Variants in KIF26B observed in about 807,000 individuals in gnomAD.
KIF26B encodes the protein kinesin family member 26B, also known as kinesin-like protein KIF26B.
KIF26B carries 63 observed loss-of-function variants against 151.2 expected under a neutral mutation model. That is an observed-to-expected ratio of 0.42 (90% CI 0.34 to 0.51). The LOEUF (loss-of-function observed/expected upper bound fraction) is 0.51. KIF26B is among the 20% of genes least tolerant of loss of function. KIF26B has a pLI of 0.07. For missense variants in KIF26B, 2,813 were observed against 2,913.6 expected (o/e 0.97, Z 0.79); for synonymous variants, 1,357 against 1,262.1 (o/e 1.08, Z -1.59).
intron 9 of KIF26B, among the ~76,000 whole-genome samples, chr1:245,618,094 A>G (rs2043612660): frequency 6.6e-6 from 1 of 152,166 alleles, no homozygotes; most frequent in Admixed American, 6.5e-5. Flanking sequence ...GGGAAAAGGA[A>G]AGGAAAGGAA....
chr1:245,556,381 C>T (rs903975248), intron 5 of KIF26B, among the ~76,000 whole-genome samples: 1 of 138,470 alleles, frequency 7.2e-6, no homozygotes, highest in Non-Finnish European at 1.5e-5. Flanking sequence ...CTTCCTCCTT[C>T]TTCTTCTTCC....
intron 2 of KIF26B, among the ~76,000 whole-genome samples, chr1:245,196,276 G>A (rs1669192782): frequency 6.6e-6 from 1 of 152,134 alleles, no homozygotes; most frequent in Non-Finnish European, 1.5e-5. Flanking sequence ...CAATGATTAG[G>A]ATGACAGCCC....
Position 245,646,227 on chromosome 1 carries a change from T to C in KIF26B, c.2205T>C (p.Ala735=), listed in dbSNP as rs755003092. 7 of 1,613,870 alleles carry C rather than the reference T, an allele frequency of 4.3e-6. No homozygotes were observed. The highest frequency in any genetic ancestry group is 1.6e-4 in the Middle Eastern group (1 of 6,080). Residue 735 remains alanine, a synonymous_variant, in exon 10 of 15, where the codon GCT becomes GCC. Transcript: ENST00000407071. ...CAGGGCTGTGTCTCTCGCTGTCTGC[T>C]CTGGGCAATGTCATCCTGGCTCTCG... ...GGSGLCLSLS[A]LGNVILALVN... is the part of the protein sequence containing the mutation.
chr1:245,509,380 G>A (rs1431519213), intron 4 of KIF26B, among the ~76,000 whole-genome samples: 2 of 152,182 alleles, frequency 1.3e-5, no homozygotes, highest in Non-Finnish European at 2.9e-5. Flanking sequence ...TGGTTTGCCT[G>A]AGGAAGATGA....
At chr1:245,213,895 A>C (rs1417017584) in intron 2 of KIF26B, among the ~76,000 whole-genome samples, 2 of 152,182 alleles carry the variant, frequency 1.3e-5, no homozygotes, top group Non-Finnish European at 2.9e-5. Flanking sequence ...ATTTTTCTAA[A>C]GTTGCCACAC....
intron 5 of KIF26B, among the ~76,000 whole-genome samples, chr1:245,555,053 C>T (rs980289066): frequency 6.6e-6 from 1 of 152,112 alleles, no homozygotes; most frequent in Non-Finnish European, 1.5e-5. Flanking sequence ...AACACCTGGG[C>T]GTTCTTTGTT....
chr1:245,612,035 C>T, intron 9 of KIF26B, 59 bp downstream of exon 9: 5 of 1,451,642 alleles, frequency 3.4e-6, no homozygotes, highest in Admixed American at 1.7e-5. Context: ...GCCAGAAATC[C>T]CTTGGGCAAC....
chr1:245,458,180 T>C (rs1169301677), intron 4 of KIF26B, among the ~76,000 whole-genome samples: 5 of 152,126 alleles, frequency 3.3e-5, no homozygotes, highest in Admixed American at 6.5e-5. Context: ...GCCAAGGTCT[T>C]ATAGCAAGTG....
intron 2 of KIF26B, among the ~76,000 whole-genome samples, chr1:245,171,595 A>G (rs917400897): frequency 6.6e-6 from 1 of 152,242 alleles, no homozygotes; most frequent in Non-Finnish European, 1.5e-5. Context: ...GTCAATTGAA[A>G]TAAAGGCCAT....
At chr1:245,349,371 C>T (rs2102999662) in intron 2 of KIF26B, among the ~76,000 whole-genome samples, 1 of 152,188 alleles carries the variant, frequency 6.6e-6, no homozygotes, top group South Asian at 2.1e-4. Flanking sequence ...GAGGATTTTA[C>T]AGCATGTTTT....
At chr1:245,543,052 A>T (rs1332531878) in intron 5 of KIF26B, among the ~76,000 whole-genome samples, 1 of 152,200 alleles carries the variant, frequency 6.6e-6, no homozygotes, top group African/African-American at 2.4e-5. Flanking sequence ...GAAGCACATC[A>T]GAAACCGTCC....
intron 4 of KIF26B, among the ~76,000 whole-genome samples, chr1:245,469,746 CTATT>C (rs1290856133): frequency 2.0e-5 from 3 of 152,138 alleles, no homozygotes; most frequent in Non-Finnish European, 4.4e-5. Context: ...GTAATTGTCA[CTATT>C]TATTTTAAAG....
intron 2 of KIF26B, among the ~76,000 whole-genome samples, chr1:245,245,925 C>CAAAAAAA (rs60181356): frequency 4.5e-5 from 5 of 111,648 alleles, no homozygotes; most frequent in Admixed American, 4.0e-4. Flanking sequence ...GACTCCGTCT[C>CAAAAAAA]AAAAAAAAAA....
intron 4 of KIF26B, among the ~76,000 whole-genome samples, chr1:245,438,598 T>C (rs1658989273): frequency 1.3e-5 from 2 of 152,128 alleles, no homozygotes; most frequent in Non-Finnish European, 2.9e-5. Flanking sequence ...CCCGTGAATG[T>C]TCATGGCAGT....
chr1:245,574,658 G>C (rs150611681), intron 5 of KIF26B, among the ~76,000 whole-genome samples: 3 of 152,034 alleles, frequency 2.0e-5, no homozygotes, highest in African/African-American at 7.2e-5. Context: ...TGCTGCTCTT[G>C]CCTGAGTCTC....
At chr1:245,303,302 C>A (rs531381617) in intron 2 of KIF26B, among the ~76,000 whole-genome samples, 1,633 of 150,440 alleles carry the variant, frequency 0.011, 33 homozygotes, top group African/African-American at 0.038. Context: ...GGGTTCACGC[C>A]ATTCTCCTGC....
At chr1:245,177,288 A>G (rs1215860452) in intron 2 of KIF26B, among the ~76,000 whole-genome samples, 1 of 152,128 alleles carries the variant, frequency 6.6e-6, no homozygotes, top group East Asian at 1.9e-4. Context: ...CCCTGCCTTT[A>G]TTGATTCCTA....
chr1:245,652,757 C>T (rs967852108), intron 10 of KIF26B, among the ~76,000 whole-genome samples: 6 of 152,170 alleles, frequency 3.9e-5, no homozygotes, highest in Non-Finnish European at 7.3e-5. Context: ...AAGAGGACCA[C>T]ATTCTGGCCC....
At position 245,486,469 on chromosome 1, in the gene KIF26B, A is replaced by T. The variant is rs556715703; in HGVS notation, c.1167-54298A>T. On this transcript the variant is annotated intron_variant, in intron 4 of 14. Transcript: ENST00000407071. ...TCTATAGAGAGCTTTTAAATATGTAAAATAATTTCATATATACTATCTCAT... is the reference window on the plus strand; with the variant it reads ...TCTATAGAGAGCTTTTAAATATGTATAATAATTTCATATATACTATCTCAT... Among the ~76,000 whole-genome samples the T allele has an allele frequency of 2.0e-5, 3 of 152,314 alleles. No homozygotes were observed. In the South Asian group the frequency reaches 6.2e-4, roughly 32 times the overall value.
Sources: allele counts gnomAD v4.1 joint callset (sites outside exome capture counted in the v4.1 genomes callset), GRCh38; gene constraint gnomAD v4.1.1; transcripts MANE v1.5; gene names NCBI Gene and HGNC (gene_info 2026-07-23, HGNC 2026-07-21).